The following PCDHGA5 variants were observed in gnomAD, a reference collection of about 807,000 sequenced individuals.
PCDHGA5 encodes the protein protocadherin gamma subfamily A, 5.
A neutral mutation model predicts 56.7 loss-of-function variants in PCDHGA5; 36 were observed. The ratio of observed to expected loss-of-function variants is 0.64; its 90% CI spans 0.49 to 0.84. PCDHGA5 has a LOEUF of 0.84. PCDHGA5 is among the 40% of genes least tolerant of loss of function. PCDHGA5 has a pLI of 0.00. For synonymous variants in PCDHGA5, 563 were observed against 520.2 expected (o/e 1.08, Z -1.12); for missense variants, 1,305 against 1,201.5 (o/e 1.09, Z -1.27).
At chr5:141,500,618 C>A (rs554274946) in intron 2 of PCDHGA5, among the ~76,000 whole-genome samples, 27 of 152,260 alleles carry the variant, frequency 1.8e-4, no homozygotes, top group African/African-American at 6.5e-4. Context: ...CCCAGTCATA[C>A]GGTACATTTC....
chr5:141,413,212 G>C, intron 1 of PCDHGA5: 2 of 1,613,268 alleles, frequency 1.2e-6, no homozygotes, highest in Middle Eastern at 1.7e-4. Flanking sequence ...GGAATCAAAG[G>C]ATTGCAGCGG....
chr5:141,432,763 C>T lies in PCDHGA5; in HGVS notation c.2422-62044C>T. The T allele has an allele frequency of 6.2e-7, 1 of 1,614,152 alleles. No homozygotes were observed. The highest frequency in any genetic ancestry group is 8.5e-7 in the Non-Finnish European group (1 of 1,180,004). ...TCACCGTGGCCGTGGCCGACAGCAT[C>T]CCCCAAGTCCTGGCGGACCTCGGCA... On this transcript the variant is annotated intron_variant, in intron 1 of 3. Transcript: ENST00000518069. This position sits in a 1 kb window ranked among gnomAD's most constrained non-coding sequence, Gnocchi z 6.0.
chr5:141,370,467 T>C lies in PCDHGA5; in HGVS notation c.2421+3716T>C, dbSNP rs563836197. 3.3e-5 allele frequency: 53 copies of C among 1,613,232 alleles called. 2 individuals are homozygous for C. In the South Asian group the frequency reaches 4.4e-4, roughly 13 times the overall value. On this transcript the variant is annotated intron_variant, in intron 1 of 3. Transcript: ENST00000518069. ...GCTATTTCTCTTCCTGCTCTCTTTG[T>C]TAGACCAGGCTCTCTCCGAACCGAT...
Position 141,490,148 on chromosome 5 carries a change from A to T in PCDHGA5, c.2422-4659A>T. On this transcript the variant is annotated intron_variant, in intron 1 of 3. Transcript: ENST00000518069. This position sits in a 1 kb window ranked among gnomAD's most constrained non-coding sequence, Gnocchi z 5.4. The stretch of plus-strand genomic sequence containing the variant: ...CTAGACCCTAGCAGTGGGGCAATCC[A>T]TGTGTTGGGTCCCATAGACTTTGAG... The T allele has an allele frequency of 6.2e-7, 1 of 1,614,232 alleles. No homozygotes were observed. The highest frequency in any genetic ancestry group is 1.3e-5 in the African/African-American group (1 of 75,068).
chr5:141,398,740 CAG>C (rs759927246), intron 1 of PCDHGA5: 11 of 1,613,746 alleles, frequency 6.8e-6, no homozygotes, highest in Non-Finnish European at 1.7e-6. Context: ...CCGGGAACAA[CAG>C]AGTTACCATC....
Position 141,366,133 on chromosome 5 carries a change from C to A in PCDHGA5, c.1803C>A (p.Asn601Lys), listed in dbSNP as rs777240886. 1 of 1,614,216 alleles carries A rather than the reference C, an allele frequency of 6.2e-7. No individual in the cohort carries two copies. Among genetic ancestry groups the A allele is most frequent in the East Asian group, 2.2e-5 (1 of 44,882 alleles). The stretch of plus-strand genomic sequence containing the variant: ...CGGTGGACAAAGATTCAGGCCAGAA[C>A]GCCTGGCTGTCCTACCGCCTGCTTA... ...VVAVDKDSGQ[N>K]AWLSYRLLKA... Residue 601 changes from asparagine to lysine, a missense_variant, in exon 1 of 4, where the codon AAC becomes AAA. Transcript: ENST00000518069.
chr5:141,457,441 G>A (rs941085406), intron 1 of PCDHGA5, among the ~76,000 whole-genome samples: 1 of 152,134 alleles, frequency 6.6e-6, no homozygotes, highest in African/African-American at 2.4e-5. Flanking sequence ...CCAAGCTGCA[G>A]AAGATCACCA....
chr5:141,482,995 G>A (rs1395482427), intron 1 of PCDHGA5, among the ~76,000 whole-genome samples: 1 of 152,048 alleles, frequency 6.6e-6, no homozygotes, highest in Non-Finnish European at 1.5e-5. Flanking sequence ...CGAGGCAGGA[G>A]AATTGCTTGA....
intron 1 of PCDHGA5, chr5:141,424,481 G>A (rs1397559058): frequency 6.6e-6 from 1 of 152,056 alleles, no homozygotes; most frequent in Non-Finnish European, 1.5e-5. Flanking sequence ...TTACTTTGGT[G>A]TCTGTGTTTG....
intron 1 of PCDHGA5, chr5:141,394,323 T>A (rs1323089912): frequency 6.2e-7 from 1 of 1,613,982 alleles, no homozygotes; most frequent in South Asian, 1.1e-5. Flanking sequence ...CCTGTCCTCG[T>A]ATATCTCCAT....
chr5:141,371,111 C>T (rs748436182), intron 1 of PCDHGA5: 1 of 1,613,898 alleles, frequency 6.2e-7, no homozygotes, highest in African/African-American at 1.3e-5. Flanking sequence ...ATGATAACCC[C>T]CCAGTATTTA....
intron 1 of PCDHGA5, chr5:141,413,097 C>T (rs531228946): frequency 1.4e-6 from 2 of 1,447,922 alleles, no homozygotes; most frequent in African/African-American, 1.4e-5. Flanking sequence ...CACCCTGAAG[C>T]CACAGAAAGA....
intron 1 of PCDHGA5, chr5:141,405,635 C>T (rs539370352): frequency 1.3e-4 from 69 of 526,234 alleles, no homozygotes; most frequent in Non-Finnish European, 1.9e-4. Context: ...CCACCACGCC[C>T]GGCTAATTTT....
chr5:141,385,276 A>G (rs1315773619), intron 1 of PCDHGA5: 1 of 1,613,564 alleles, frequency 6.2e-7, no homozygotes, highest in Admixed American at 1.7e-5. Flanking sequence ...TTCTTTGCTA[A>G]CATCCGTAGA....
chr5:141,409,155 A>T, intron 1 of PCDHGA5: 1 of 1,614,036 alleles, frequency 6.2e-7, no homozygotes, highest in Non-Finnish European at 8.5e-7. Context: ...TACACCATGG[A>T]AGTGGAAGCG....
chr5:141,400,776 G>A (rs1461818790), intron 1 of PCDHGA5: 9 of 557,602 alleles, frequency 1.6e-5, no homozygotes, highest in Middle Eastern at 4.6e-4. Context: ...CATTTGGTGC[G>A]TTTTTTTGTC....
intron 1 of PCDHGA5, chr5:141,372,771 A>G: frequency 6.2e-7 from 1 of 1,610,980 alleles, no homozygotes. Context: ...AAGTAATGAC[A>G]ATCCAGAAAT....
At chr5:141,372,739 G>T (rs778027776) in intron 1 of PCDHGA5, 2 of 1,613,668 alleles carry the variant, frequency 1.2e-6, no homozygotes, top group South Asian at 2.2e-5. Context: ...GATCTTCTAT[G>T]TGATGAAGCC....
At chr5:141,434,337 C>T (rs939910421) in intron 1 of PCDHGA5, among the ~76,000 whole-genome samples, 13 of 152,230 alleles carry the variant, frequency 8.5e-5, no homozygotes, top group African/African-American at 2.4e-4. Context: ...CTCTTTGTGT[C>T]GGGAACAGGC....
Sources: gnomAD v4.1 joint callset for allele counts (sites outside exome capture counted in the v4.1 genomes callset) on GRCh38, gnomAD v4.1.1 for gene constraint, Gnocchi (gnomAD v3.1) non-coding constraint, MANE v1.5 for transcripts, NCBI Gene and HGNC (gene_info 2026-07-23, HGNC 2026-07-21) for gene names.